SMAD5: variants seen among roughly 807,000 people sequenced by gnomAD.
The protein encoded by SMAD5 is MAD, mothers against decapentaplegic homolog 5.
In SMAD5, 9 loss-of-function variants were observed where a neutral mutation model predicts 43.1. The observed-to-expected ratio is 0.21, with a 90% confidence interval of 0.13 to 0.36. The LOEUF (loss-of-function observed/expected upper bound fraction) is 0.36, where lower values mean the gene tolerates loss of function less well. Ranked by LOEUF, SMAD5 falls within the 10% of genes least tolerant of loss-of-function variation. The probability of loss-of-function intolerance (pLI) is 1.00; values close to 1 mark genes in which losing one functional copy is unlikely to be tolerated. For synonymous variants in SMAD5, 190 were observed against 192.4 expected (o/e 0.99, Z 0.10); for missense variants, 348 against 574.0 (o/e 0.61, Z 4.02).
intron 4 of SMAD5, among the ~76,000 whole-genome samples, chr5:136,161,485 A>G (rs950175178): frequency 1.3e-5 from 2 of 152,222 alleles, no homozygotes; most frequent in Non-Finnish European, 2.9e-5. Flanking sequence ...AGTAAATTTT[A>G]AACTTTTAAG....
chr5:136,171,767 C>T lies in SMAD5; in HGVS notation c.776-667C>T, dbSNP rs11955579. On this transcript the variant is annotated intron_variant, in intron 5 of 7. Transcript: ENST00000545279. ...TTGATGTGGAAATGAGTTAAGACTTCAGGGGCTGTTGGGATAGAATATATG... is the reference window on the plus strand; with the variant it reads ...TTGATGTGGAAATGAGTTAAGACTTTAGGGGCTGTTGGGATAGAATATATG... Among the ~76,000 whole-genome samples, 724 of 152,170 alleles carry T rather than the reference C, an allele frequency of 4.8e-3. 6 individuals are homozygous for T. Among genetic ancestry groups the T allele is most frequent in the African/African-American group, 0.016 (676 of 41,518 alleles).
At chr5:136,137,614 C>G (rs1752933292) in intron 1 of SMAD5, among the ~76,000 whole-genome samples, 1 of 152,066 alleles carries the variant, frequency 6.6e-6, no homozygotes, top group South Asian at 2.1e-4. Context: ...GGCTGTACAA[C>G]TTGAGTTCTA....
rs1753804487 is a variant in SMAD5, at chr5:136,160,978, T to A, written c.526T>A (p.Ser176Thr). Residue 176 changes from serine to threonine, a missense_variant, in exon 4 of 8, where the codon TCT becomes ACT. Transcript: ENST00000545279. ...HMPQNATFPD[S>T]FHQPNNTPFP... ...GCCACAAAATGCCACGTTTCCAGAT[T>A]CTTTCCACCAGCCCAACAACACTCC... 1 of 1,613,958 alleles carries A rather than the reference T, an allele frequency of 6.2e-7. No homozygotes were observed. The highest frequency in any genetic ancestry group is 8.5e-7 in the Non-Finnish European group (1 of 1,179,892).
At chr5:136,165,040 A>C (rs1753948631) in intron 5 of SMAD5, among the ~76,000 whole-genome samples, 1 of 151,850 alleles carries the variant, frequency 6.6e-6, no homozygotes, top group Non-Finnish European at 1.5e-5. Flanking sequence ...TTATTTCAGG[A>C]CTCTGTTGGC....
chr5:136,140,632 T>C (rs1580761811), intron 1 of SMAD5, among the ~76,000 whole-genome samples: 1 of 152,118 alleles, frequency 6.6e-6, no homozygotes, highest in African/African-American at 2.4e-5. Flanking sequence ...TTTAACTCAG[T>C]TGGCACCTTC....
At chr5:136,154,357 C>G (rs888684119) in intron 3 of SMAD5, among the ~76,000 whole-genome samples, 194 bp downstream of exon 3, 1 of 152,104 alleles carries the variant, frequency 6.6e-6, no homozygotes, top group African/African-American at 2.4e-5. Context: ...TCTCAGGTGG[C>G]TTACTCTAAT....
At chr5:136,163,452 CT>C in intron 5 of SMAD5, 61 bp downstream of exon 5, 1 of 1,390,894 alleles carries the variant, frequency 7.2e-7, no homozygotes, top group Non-Finnish European at 9.6e-7. Context: ...TTATTGGCTA[CT>C]TTTTTAAAAA....
intron 1 of SMAD5, among the ~76,000 whole-genome samples, chr5:136,144,506 G>T (rs1054205197): frequency 9.9e-5 from 15 of 151,766 alleles, no homozygotes; most frequent in Admixed American, 3.3e-4. Context: ...TATTGCAAAA[G>T]AAAATAGCTT....
intron 1 of SMAD5, among the ~76,000 whole-genome samples, chr5:136,138,246 A>G (rs575254547): frequency 1.2e-4 from 19 of 152,354 alleles, no homozygotes; most frequent in African/African-American, 4.1e-4. Context: ...TGGGCACAGA[A>G]TAGGCAAGAA....
chr5:136,155,041 G>T (rs866392470), intron 3 of SMAD5, among the ~76,000 whole-genome samples: 1 of 152,106 alleles, frequency 6.6e-6, no homozygotes, highest in African/African-American at 2.4e-5. Flanking sequence ...CTTTCATGCT[G>T]TCACATGTCT....
chr5:136,146,017 C>T (rs997093383), intron 1 of SMAD5, among the ~76,000 whole-genome samples: 1 of 151,848 alleles, frequency 6.6e-6, no homozygotes, highest in African/African-American at 2.4e-5. Context: ...CACTGTGTAT[C>T]GTAGATAGTT....
chr5:136,176,409 T>G (rs1754417677), intron 7 of SMAD5, among the ~76,000 whole-genome samples: 1 of 132,934 alleles, frequency 7.5e-6, no homozygotes, highest in African/African-American at 3.0e-5. Flanking sequence ...TAGCCAAGAT[T>G]GCGCCATTGC....
At chr5:136,160,802 T>C (rs1753798788) in intron 3 of SMAD5, 54 bp from the exon 4 acceptor site, 1 of 1,581,892 alleles carries the variant, frequency 6.3e-7, no homozygotes, top group Non-Finnish European at 8.7e-7. Flanking sequence ...TTAGTGTGGA[T>C]GGGGCATTTG....
chr5:136,142,657 T>A (rs1026790677), intron 1 of SMAD5, among the ~76,000 whole-genome samples: 9 of 152,126 alleles, frequency 5.9e-5, no homozygotes, highest in Admixed American at 3.9e-4. Flanking sequence ...TAATAGCAGA[T>A]AATGGGTTCA....
intron 5 of SMAD5, among the ~76,000 whole-genome samples, chr5:136,163,813 AC>A (rs1753906072): frequency 6.6e-6 from 1 of 152,006 alleles, no homozygotes; most frequent in Admixed American, 6.6e-5. Flanking sequence ...GCTTAACAGT[AC>A]TCCTTTATAT....
chr5:136,139,264 A>G (rs1303734744), intron 1 of SMAD5, among the ~76,000 whole-genome samples: 4 of 152,032 alleles, frequency 2.6e-5, no homozygotes, highest in African/African-American at 4.8e-5. Flanking sequence ...GTACTTCCAT[A>G]ACCTTAGGTA....
In SMAD5 at chr5:136,177,908, C is replaced by T. The variant is rs1754483505; in HGVS notation, c.*428C>T. On this transcript the variant is annotated 3_prime_UTR_variant, in exon 8 of 8. Coordinates refer to ENST00000545279, the MANE Select transcript of SMAD5 (RefSeq NM_005903.7). Reference sequence around the variant, plus strand: ...CCAGAAGCTGTACTTTTACCAGTTTCTTTGTCCCACCAACTTAAAAAAAAA... The same window carrying T: ...CCAGAAGCTGTACTTTTACCAGTTTTTTTGTCCCACCAACTTAAAAAAAAA... 6.5e-6 allele frequency: 1 copy of T among 153,040 alleles called. No individual in the cohort carries two copies. The allele number at this position is 153,040 out of a possible 1,614,324, so 9.5% of individuals were successfully genotyped here. A position where few individuals can be genotyped will look rare whatever the true frequency, so the allele number is the denominator to read the frequency against.
intron 1 of SMAD5, chr5:136,134,612 CTATT>C (rs1223656656): frequency 6.6e-6 from 1 of 152,114 alleles, no homozygotes; most frequent in African/African-American, 2.4e-5. Context: ...CCTTTGGTAA[CTATT>C]AATATTTTTT....
chr5:136,162,441 A>G (rs1270254327), intron 4 of SMAD5, among the ~76,000 whole-genome samples: 1 of 152,224 alleles, frequency 6.6e-6, no homozygotes. Context: ...GCAGCAAAAT[A>G]TCAATTGGTA....
Sources: gnomAD v4.1 joint callset for allele counts (sites outside exome capture counted in the v4.1 genomes callset) on GRCh38, gnomAD v4.1.1 for gene constraint, MANE v1.5 for transcripts, NCBI Gene and HGNC (gene_info 2026-07-23, HGNC 2026-07-21) for gene names.